Variants in EPHX4 observed in about 807,000 individuals in gnomAD.
EPHX4 encodes the protein abhydrolase domain containing 7.
In EPHX4, 31 loss-of-function variants were observed where a neutral mutation model predicts 44.9. The ratio of observed to expected loss-of-function variants is 0.69; its 90% CI spans 0.52 to 0.93. The LOEUF (loss-of-function observed/expected upper bound fraction) is 0.93, where lower values mean the gene tolerates loss of function less well. Ranked by LOEUF, EPHX4 falls within the 40% of genes least tolerant of loss-of-function variation. The pLI, the probability that EPHX4 is intolerant of heterozygous loss-of-function variation, is 0.00. For synonymous variants in EPHX4, 151 were observed against 159.7 expected, an observed-to-expected ratio of 0.95 and a Z score of 0.41; for missense variants, 373 against 438.1, an observed-to-expected ratio of 0.85 and a Z score of 1.33.
chr1:92,037,303 C>T (rs1016282169), intron 2 of EPHX4, among the ~76,000 whole-genome samples: 2 of 152,086 alleles, frequency 1.3e-5, no homozygotes, highest in Non-Finnish European at 2.9e-5. Context: ...ATCATCATTG[C>T]CTGAGAATAG....
chr1:92,040,590 G>A (rs567753182), intron 2 of EPHX4, among the ~76,000 whole-genome samples: 2 of 152,188 alleles, frequency 1.3e-5, no homozygotes, highest in African/African-American at 4.8e-5. Flanking sequence ...CTCCCAAAGT[G>A]CTGGCATTAC....
chr1:92,063,298 C>G lies in EPHX4; in HGVS notation c.*12C>G. 6.4e-7 allele frequency: 1 copy of G among 1,555,234 alleles called. No individual in the cohort carries two copies. The highest frequency in any genetic ancestry group is 8.8e-7 in the Non-Finnish European group (1 of 1,141,556). ...GAAAAAAAGATTGACTTTTCTTTAT[C>G]TTCTATGAAGGGTCTGTAATGAAAT... On this transcript the variant is annotated 3_prime_UTR_variant, in exon 7 of 7. Coordinates refer to ENST00000370383, the MANE Select transcript of EPHX4 (RefSeq NM_173567.5).
chr1:92,032,613 A>T (rs1688378190), intron 2 of EPHX4, 23 bp downstream of exon 2: 2 of 1,587,806 alleles, frequency 1.3e-6, no homozygotes, highest in Non-Finnish European at 1.7e-6. Context: ...ACTAACATTT[A>T]TTGTTACATT....
intron 6 of EPHX4, among the ~76,000 whole-genome samples, chr1:92,062,830 A>T: frequency 6.6e-6 from 1 of 150,686 alleles, no homozygotes; most frequent in East Asian, 1.9e-4. Flanking sequence ...TTCCCTAATC[A>T]CCCCCACCCT....
At chr1:92,052,282 A>C (rs1229734058) in intron 5 of EPHX4, among the ~76,000 whole-genome samples, 1 of 152,158 alleles carries the variant, frequency 6.6e-6, no homozygotes, top group Non-Finnish European at 1.5e-5. Context: ...TTTTATAAAA[A>C]TGCAGTGTGC....
intron 3 of EPHX4, chr1:92,043,398 T>A (rs1175306723): frequency 6.8e-6 from 1 of 146,846 alleles, no homozygotes; most frequent in Non-Finnish European, 1.5e-5. Flanking sequence ...GAGGTTGCAG[T>A]GAGCTAAGAT....
intron 5 of EPHX4, among the ~76,000 whole-genome samples, chr1:92,051,758 A>G (rs564199464): frequency 2.1e-3 from 314 of 152,336 alleles, no homozygotes; most frequent in African/African-American, 7.1e-3. Context: ...AGCCTATCCA[A>G]AATTTCCTAA....
intron 3 of EPHX4, chr1:92,043,394 G>C (rs1461275218): frequency 6.7e-6 from 1 of 150,264 alleles, no homozygotes; most frequent in African/African-American, 2.5e-5. Flanking sequence ...GATGGAGGTT[G>C]CAGTGAGCTA....
At chr1:92,034,728 A>G (rs145701443) in intron 2 of EPHX4, among the ~76,000 whole-genome samples, 1,514 of 149,864 alleles carry the variant, frequency 0.01, 14 homozygotes, top group Non-Finnish European at 0.014. Flanking sequence ...TGCAACCTCC[A>G]TCTCCTGGGT....
chr1:92,050,447 T>G, intron 5 of EPHX4, 27 bp downstream of exon 5: 1 of 1,173,016 alleles, frequency 8.5e-7, no homozygotes, highest in Non-Finnish European at 1.2e-6. Flanking sequence ...AAACAAATAA[T>G]GTATTATTAT....
At chr1:92,033,997 C>CTT (rs36075635) in intron 2 of EPHX4, among the ~76,000 whole-genome samples, 25,303 of 109,052 alleles carry the variant, frequency 0.23, 3,520 homozygotes, top group Middle Eastern at 0.28. Flanking sequence ...CATGTTTAAA[C>CTT]TTTTTTTTTT....
In EPHX4 at chr1:92,052,635, T is replaced by G. The variant is rs750073041; in HGVS notation, c.834T>G (p.Ile278Met). Residue 278 changes from isoleucine to methionine, a missense_variant, in exon 6 of 7, where the codon ATT becomes ATG. Physicochemically the swap from Ile to Met is conservative, Grantham distance 10. Transcript: ENST00000370383. The stretch of plus-strand genomic sequence containing the variant: ...AGCCTGGAGCATTAAGTGGCCCAAT[T>G]AACCATTACCGAAATATCTTCAGGT... ...FSQPGALSGP[I>M]NHYRNIFSCL... 3.7e-6 allele frequency: 6 copies of G among 1,607,744 alleles called. No homozygotes were observed. The East Asian group carries it at 1.3e-4, about 36-fold the overall frequency.
At chr1:92,056,472 CA>C (rs1186621474) in intron 6 of EPHX4, among the ~76,000 whole-genome samples, 2 of 151,976 alleles carry the variant, frequency 1.3e-5, no homozygotes, top group African/African-American at 4.8e-5. Flanking sequence ...AAAAAATGGA[CA>C]AATCCATAAT....
intron 2 of EPHX4, among the ~76,000 whole-genome samples, chr1:92,037,618 G>A (rs1688458928): frequency 6.6e-6 from 1 of 152,116 alleles, no homozygotes; most frequent in Non-Finnish European, 1.5e-5. Flanking sequence ...GGCGAGTGAG[G>A]GGCCTTCATC....
chr1:92,039,122 T>A (rs994533116), intron 2 of EPHX4, among the ~76,000 whole-genome samples: 3 of 152,246 alleles, frequency 2.0e-5, no homozygotes, highest in Non-Finnish European at 4.4e-5. Flanking sequence ...TGCAAAGTAA[T>A]CTGGCTGGAA....
At position 92,063,221 on chromosome 1, in the gene EPHX4, C is replaced by A. The variant is rs772733215; in HGVS notation, c.1024C>A (p.Gln342Lys). ...AGCCAGTCATTGGCTTCAGCAAGAC[C>A]AACCTGACATAGTGAACAAATTGAT... Reference protein sequence around the residue: ...SEASHWLQQDQPDIVNKLIWT... With the variant: ...SEASHWLQQDKPDIVNKLIWT... The change falls in exon 7 of 7, where the codon CAA becomes AAA. Residue 342 changes from glutamine to lysine, a missense_variant. Transcript: ENST00000370383. The A allele has an allele frequency of 6.2e-7, 1 of 1,613,798 alleles. No homozygotes were observed. The highest frequency in any genetic ancestry group is 1.1e-5 in the South Asian group (1 of 91,050).
intron 2 of EPHX4, among the ~76,000 whole-genome samples, chr1:92,039,577 T>C (rs1342693630): frequency 6.6e-6 from 1 of 152,222 alleles, no homozygotes; most frequent in South Asian, 2.1e-4. Context: ...CAAGCTACTT[T>C]ATTTGTTACA....
At chr1:92,039,282 G>A (rs1015981899) in intron 2 of EPHX4, among the ~76,000 whole-genome samples, 2 of 152,230 alleles carry the variant, frequency 1.3e-5, no homozygotes, top group African/African-American at 4.8e-5. Context: ...TTTTGTAGAA[G>A]ATAGAGCAGA....
intron 5 of EPHX4, among the ~76,000 whole-genome samples, chr1:92,051,379 G>A (rs2101873339): frequency 6.6e-6 from 1 of 152,078 alleles, no homozygotes; most frequent in East Asian, 1.9e-4. Context: ...TTTGAATCAG[G>A]AACCAAAGTC....
Sources: allele counts gnomAD v4.1 joint callset (sites outside exome capture counted in the v4.1 genomes callset), GRCh38; gene constraint gnomAD v4.1.1; transcripts MANE v1.5; gene names NCBI Gene and HGNC (gene_info 2026-07-23, HGNC 2026-07-21).